LMNB1: variants seen among roughly 807,000 people sequenced by gnomAD.
LMNB1 encodes the protein lamin-B1.
LMNB1 carries 23 observed loss-of-function variants against 67.1 expected under a neutral mutation model. That is an observed-to-expected ratio of 0.34 (90% confidence interval 0.25 to 0.49). LMNB1 has a LOEUF of 0.49. Ranked by LOEUF, LMNB1 falls within the 20% of genes least tolerant of loss-of-function variation. The probability of loss-of-function intolerance (pLI) is 0.99; values close to 1 mark genes in which losing one functional copy is unlikely to be tolerated. For missense variants in LMNB1, 634 were observed against 746.5 expected (o/e 0.85, Z 1.76); for synonymous variants, 281 against 282.9 (o/e 0.99, Z 0.07).
chr5:126,823,002 ATAT>A (rs1358449087), intron 8 of LMNB1, 117 bp downstream of exon 8: 7 of 677,828 alleles, frequency 1.0e-5, no homozygotes, highest in Non-Finnish European at 1.6e-5. Context: ...AGTACTTTTT[ATAT>A]TATTAGGGCA....
chr5:126,825,955 C>T (rs1291949137), intron 8 of LMNB1, 33 bp from the exon 9 acceptor site: 3 of 1,612,510 alleles, frequency 1.9e-6, no homozygotes, highest in Admixed American at 1.7e-5. Context: ...GAACTGGGTT[C>T]TGGGTGTACT....
intron 1 of LMNB1, among the ~76,000 whole-genome samples, chr5:126,786,239 C>T (rs1236512739): frequency 2.0e-5 from 3 of 150,440 alleles, no homozygotes; most frequent in Non-Finnish European, 4.4e-5. Flanking sequence ...TCTCCTGCCT[C>T]AGCCTCCCAA....
intron 1 of LMNB1, among the ~76,000 whole-genome samples, chr5:126,789,315 C>A (rs17165359): frequency 4.6e-5 from 7 of 152,032 alleles, no homozygotes; most frequent in Admixed American, 2.0e-4. Context: ...TCATTTCACC[C>A]CTTTTGGTAT....
intron 5 of LMNB1, among the ~76,000 whole-genome samples, chr5:126,815,880 C>T (rs1251302986): frequency 6.6e-6 from 1 of 151,902 alleles, no homozygotes; most frequent in East Asian, 1.9e-4. Context: ...ATTTTTATAC[C>T]TAGATTTTGA....
intron 1 of LMNB1, among the ~76,000 whole-genome samples, chr5:126,782,839 T>C (rs1750665977): frequency 6.6e-6 from 1 of 152,068 alleles, no homozygotes; most frequent in African/African-American, 2.4e-5. Flanking sequence ...TGAGCCACTG[T>C]GCCTGGTCAA....
intron 5 of LMNB1, among the ~76,000 whole-genome samples, chr5:126,816,711 AT>A (rs1412918815): frequency 6.6e-6 from 1 of 152,050 alleles, no homozygotes; most frequent in African/African-American, 2.4e-5. Context: ...CTTGAGTAAG[AT>A]TGTCCAGGTA....
At chr5:126,835,488 T>A (rs1752229505) in intron 10 of LMNB1, among the ~76,000 whole-genome samples, 1 of 152,210 alleles carries the variant, frequency 6.6e-6, no homozygotes, top group South Asian at 2.1e-4. Context: ...ATGTGTAAGT[T>A]CAGGATCTAG....
chr5:126,785,146 A>AT (rs200467792), intron 1 of LMNB1, among the ~76,000 whole-genome samples: 40,039 of 135,552 alleles, frequency 0.3, 5,832 homozygotes, highest in South Asian at 0.4. Context: ...TGCCCGGCTA[A>AT]TTTTTTTTTT....
At chr5:126,818,822 G>A in intron 5 of LMNB1, 100 bp from the exon 6 acceptor site, 1 of 827,110 alleles carries the variant, frequency 1.2e-6, no homozygotes, top group Non-Finnish European at 2.0e-6. Flanking sequence ...GATTCCATAG[G>A]GTTGTACTGT....
intron 9 of LMNB1, among the ~76,000 whole-genome samples, chr5:126,827,662 G>T (rs1236632876): frequency 6.6e-6 from 1 of 152,106 alleles, no homozygotes; most frequent in African/African-American, 2.4e-5. Flanking sequence ...AATAAATAAA[G>T]TTACAGGACT....
intron 5 of LMNB1, among the ~76,000 whole-genome samples, chr5:126,812,373 A>G (rs1751599063): frequency 1.3e-5 from 2 of 152,258 alleles, no homozygotes; most frequent in African/African-American, 4.8e-5. Context: ...CCAGGAAAGT[A>G]GCTTTAATTT....
intron 6 of LMNB1, among the ~76,000 whole-genome samples, chr5:126,819,538 A>G (rs1751809920): frequency 6.6e-6 from 1 of 151,590 alleles, no homozygotes; most frequent in African/African-American, 2.4e-5. Flanking sequence ...TGCCCAGGCT[A>G]GAGTGCAGTG....
chr5:126,829,084 C>G (rs990920941), intron 9 of LMNB1, among the ~76,000 whole-genome samples: 1 of 151,900 alleles, frequency 6.6e-6, no homozygotes, highest in East Asian at 1.9e-4. Context: ...GCCATAAAGA[C>G]CAGTTTGCAG....
At chr5:126,804,692 T>G in intron 1 of LMNB1, 84 bp from the exon 2 acceptor site, 1 of 1,269,162 alleles carries the variant, frequency 7.9e-7, no homozygotes, top group Non-Finnish European at 1.1e-6. Flanking sequence ...AACTACTTCT[T>G]TTGTTTGTCC....
intron 10 of LMNB1, 76 bp from the exon 11 acceptor site, chr5:126,836,146 TA>T (rs1475461184): frequency 1.8e-6 from 2 of 1,092,690 alleles, no homozygotes; most frequent in Non-Finnish European, 2.8e-6. Flanking sequence ...TCCCTGTAGT[TA>T]AAAGTTTTTG....
rs987936129 is a variant in LMNB1, at chr5:126,777,589, G to T, written c.81G>T (p.Leu27=). 2 of 1,529,528 alleles carry T rather than the reference G, an allele frequency of 1.3e-6. No homozygotes were observed. The highest frequency in any genetic ancestry group is 2.9e-5 in the African/African-American group (2 of 69,954). The allele number at this position is 1,529,528 out of a possible 1,614,324, so 94.7% of individuals were successfully genotyped here. The change falls in exon 1 of 11, where the codon CTG becomes CTT. Residue 27 remains leucine, a synonymous_variant. Coordinates refer to ENST00000261366, the MANE Select transcript of LMNB1 (RefSeq NM_005573.4). ...CCACGCCGCTGAGCCCCACGCGCCT[G>T]TCGCGGCTCCAGGAGAAGGAGGAGC... The part of the protein sequence containing the change: ...GPTTPLSPTR[L]SRLQEKEELR...
chr5:126,790,008 A>G (rs1327863736), intron 1 of LMNB1, among the ~76,000 whole-genome samples: 3 of 151,526 alleles, frequency 2.0e-5, no homozygotes, highest in East Asian at 3.9e-4. Flanking sequence ...AGGTTTCTTC[A>G]TGTTAGGCTG....
intron 9 of LMNB1, among the ~76,000 whole-genome samples, chr5:126,829,814 T>C (rs1176187912): frequency 2.0e-5 from 3 of 151,956 alleles, no homozygotes; most frequent in Non-Finnish European, 4.4e-5. Context: ...TACAGCCACA[T>C]TGCACTGGGC....
intron 1 of LMNB1, among the ~76,000 whole-genome samples, chr5:126,800,435 G>A (rs1432023205): frequency 1.3e-5 from 2 of 151,938 alleles, no homozygotes; most frequent in African/African-American, 4.8e-5. Context: ...ATGGAGTTAG[G>A]AATGGGAATA....
Sources: gnomAD v4.1 joint callset for allele counts (sites outside exome capture counted in the v4.1 genomes callset) on GRCh38, gnomAD v4.1.1 for gene constraint, MANE v1.5 for transcripts, NCBI Gene and HGNC (gene_info 2026-07-23, HGNC 2026-07-21) for gene names.